Variants in TMPRSS9 observed in about 807,000 individuals in gnomAD.
The protein encoded by TMPRSS9 is transmembrane protease serine 9.
In TMPRSS9, 113 loss-of-function variants were observed where a neutral mutation model predicts 111.4. That is an observed-to-expected ratio of 1.01 (90% confidence interval 0.87 to 1.19). The LOEUF (loss-of-function observed/expected upper bound fraction) is 1.19. TMPRSS9 is among the 50% of genes most tolerant of loss of function. The probability of loss-of-function intolerance (pLI) is 0.00; values close to 1 mark genes in which losing one functional copy is unlikely to be tolerated. For missense variants in TMPRSS9, 1,803 were observed against 1,513.1 expected (o/e 1.19, Z -3.18); for synonymous variants, 805 against 659.1 (o/e 1.22, Z -3.39).
chr19:2,413,444 G>A (rs116489278), intron 9 of TMPRSS9, among the ~76,000 whole-genome samples: 2,235 of 152,238 alleles, frequency 0.015, 32 homozygotes, highest in African/African-American at 0.047. Flanking sequence ...TTTGGGTCAC[G>A]TTTTGGCCTG....
chr19:2,425,608 G>A, intron 17 of TMPRSS9, 115 bp downstream of exon 18: 9 of 1,378,438 alleles, frequency 6.5e-6, no homozygotes, highest in Middle Eastern at 2.7e-4. Flanking sequence ...GGCTTCTCCA[G>A]CGGATCAAGC....
intron 4 of TMPRSS9, among the ~76,000 whole-genome samples, chr19:2,400,912 G>A (rs969599755): frequency 6.8e-6 from 1 of 147,838 alleles, no homozygotes; most frequent in African/African-American, 2.5e-5. Flanking sequence ...GGAGGTGGAG[G>A]TTGCAGTGAG....
At chr19:2,414,039 T>C in intron 10 of TMPRSS9, 21 bp downstream of exon 11, 1 of 1,528,978 alleles carries the variant, frequency 6.5e-7, no homozygotes, top group Non-Finnish European at 8.8e-7. Flanking sequence ...GGCAGAAAGG[T>C]AGAAGATGAT....
exon 14 of TMPRSS9, chr19:2,422,232 C>T: frequency 2.6e-6 from 4 of 1,512,026 alleles, no homozygotes; most frequent in Middle Eastern, 1.8e-4. Context: ...GGCCACCACA[C>T]ACACCCAGCT....
At chr19:2,420,853 T>C (rs1971447872) in intron 13 of TMPRSS9, among the ~76,000 whole-genome samples, 1 of 152,224 alleles carries the variant, frequency 6.6e-6, no homozygotes, top group Non-Finnish European at 1.5e-5. Flanking sequence ...TATCTATTAT[T>C]ATACTATTTA....
At position 2,389,764 on chromosome 19, in the gene TMPRSS9, G is replaced by T. The variant is rs375618486; in HGVS notation, c.-22G>T. 5.0e-6 allele frequency: 8 copies of T among 1,601,622 alleles called. No homozygotes were observed. The Admixed American group carries it at 1.4e-4, about 27-fold the overall frequency. On this transcript the variant is annotated 5_prime_UTR_variant, in exon 1 of 18. Transcript: ENST00000648592. ...TGTCTTGCTGTGTGGCATCCAGCTCGCTGTCTGCGTGTCTCTGAGCCATGG... is the reference window on the plus strand; with the variant it reads ...TGTCTTGCTGTGTGGCATCCAGCTCTCTGTCTGCGTGTCTCTGAGCCATGG...
intron 13 of TMPRSS9, among the ~76,000 whole-genome samples, chr19:2,418,686 C>G (rs1599313888): frequency 4.1e-4 from 1 of 2,458 alleles, no homozygotes; most frequent in East Asian, 0.062. Flanking sequence ...CCCTCCCTCC[C>G]TTTCCTTCCC....
At chr19:2,416,404 C>T (rs1022267704) in intron 11 of TMPRSS9, 134 bp from the exon 13 acceptor site, 30 of 1,196,576 alleles carry the variant, frequency 2.5e-5, no homozygotes, top group Middle Eastern at 3.0e-4. Flanking sequence ...TCCCTGGAGC[C>T]GAAGGTCAGA....
chr19:2,398,696 A>G, intron 2 of TMPRSS9, 99 bp from the exon 4 acceptor site: 2 of 721,076 alleles, frequency 2.8e-6, no homozygotes, highest in South Asian at 3.2e-5. Context: ...CATGGAACCA[A>G]CCCCTTCTCC....
intron 1 of TMPRSS9, among the ~76,000 whole-genome samples, chr19:2,376,321 C>T (rs538901150): frequency 6.6e-6 from 1 of 152,288 alleles, no homozygotes; most frequent in Non-Finnish European, 1.5e-5. Context: ...GATTATCTCC[C>T]ATCTCCATGC....
chr19:2,406,014 C>CTTTT (rs749624348), intron 7 of TMPRSS9, among the ~76,000 whole-genome samples: 7 of 95,522 alleles, frequency 7.3e-5, no homozygotes, highest in African/African-American at 1.2e-4. Flanking sequence ...TTCTTTCTTT[C>CTTTT]TTTTTTTTTT....
At chr19:2,414,692 T>C (rs1012802136) in intron 10 of TMPRSS9, among the ~76,000 whole-genome samples, 3 of 151,256 alleles carry the variant, frequency 2.0e-5, no homozygotes, top group Non-Finnish European at 4.4e-5. Flanking sequence ...CTGGCCAACA[T>C]GGCAAAACCC....
chr19:2,397,211 G>C (rs1295165456), intron 2 of TMPRSS9, among the ~76,000 whole-genome samples: 1 of 152,156 alleles, frequency 6.6e-6, no homozygotes, highest in South Asian at 2.1e-4. Flanking sequence ...GTGAGTCACC[G>C]TACCCAACCT....
At chr19:2,398,890 G>A in intron 3 of TMPRSS9, 28 bp downstream of exon 4, 1 of 1,530,214 alleles carries the variant, frequency 6.5e-7, no homozygotes, top group Non-Finnish European at 8.7e-7. Context: ...TTGGGTGAAG[G>A]AAACTTGGTG....
At chr19:2,377,814 G>C (rs1038102196) in intron 1 of TMPRSS9, among the ~76,000 whole-genome samples, 2 of 143,866 alleles carry the variant, frequency 1.4e-5, no homozygotes, top group African/African-American at 5.2e-5. Context: ...CCAGGCTCAA[G>C]TGATCCTCCT....
intron 1 of TMPRSS9, among the ~76,000 whole-genome samples, chr19:2,376,618 C>A (rs183837625): frequency 5.3e-5 from 8 of 152,242 alleles, no homozygotes; most frequent in African/African-American, 1.9e-4. Flanking sequence ...TGCCCCCACG[C>A]CCGGCTAATT....
In TMPRSS9 at chr19:2,399,172, A is replaced by G. The variant is rs141214525; in HGVS notation, c.493A>G (p.Ile165Val). ...CATCTCCCTGGCTGCCTATGGCACA[A>G]TTGTGTCGGCTGAGCTCACAGGTGA... Residue 165 changes from isoleucine to valine, a missense_variant, in exon 4 of 18, where the codon ATT (isoleucine) becomes GTT (valine). By Grantham distance (29) the Ile-to-Val change is conservative. Transcript: ENST00000648592. 2,023 of 1,606,762 alleles carry G rather than the reference A, an allele frequency of 1.3e-3. 24 individuals carry two copies. The African/African-American group carries it at 0.024, about 19-fold the overall frequency.
At chr19:2,405,384 G>A in exon 7 of TMPRSS9, 1 of 1,600,518 alleles carries the variant, frequency 6.2e-7, no homozygotes, top group Non-Finnish European at 8.5e-7. Context: ...AGTGTGGCTT[G>A]CAGCCTGCCT....
At chr19:2,417,642 T>G (rs1299322214) in intron 12 of TMPRSS9, among the ~76,000 whole-genome samples, 1 of 152,094 alleles carries the variant, frequency 6.6e-6, no homozygotes, top group Non-Finnish European at 1.5e-5. Flanking sequence ...AGCAAGACCC[T>G]GTCTCAAAAA....
Sources: allele counts gnomAD v4.1 joint callset (sites outside exome capture counted in the v4.1 genomes callset), GRCh38; gene constraint gnomAD v4.1.1; transcripts MANE v1.5; gene names NCBI Gene and HGNC (gene_info 2026-07-23, HGNC 2026-07-21).